Variants in LRRC28 observed in about 807,000 individuals in gnomAD.
LRRC28 encodes leucine rich repeat containing 28.
In LRRC28, 39 loss-of-function variants were observed where a neutral mutation model predicts 45.7. The observed-to-expected ratio is 0.85, with a 90% CI of 0.66 to 1.12. LRRC28 has a LOEUF of 1.12. Among genes scored for constraint, LRRC28 ranks in the 50% most tolerant of loss-of-function variants. The probability of loss-of-function intolerance (pLI) is 0.00; values close to 1 mark genes in which losing one functional copy is unlikely to be tolerated. For missense variants in LRRC28, 435 were observed against 438.5 expected (o/e 0.99, Z 0.07); for synonymous variants, 206 against 178.8 (o/e 1.15, Z -1.22).
chr15:99,370,401 C>T (rs1158879251), intron 9 of LRRC28, among the ~76,000 whole-genome samples: 1 of 151,722 alleles, frequency 6.6e-6, no homozygotes, highest in Non-Finnish European at 1.5e-5. Flanking sequence ...CACATGCACA[C>T]GTGTGTGTGT....
chr15:99,284,647 G>A (rs1036402326), intron 3 of LRRC28: 10 of 517,142 alleles, frequency 1.9e-5, no homozygotes, highest in Non-Finnish European at 3.8e-5. Context: ...TGCCATAGCT[G>A]CTGCTGCTAC....
At chr15:99,364,036 C>T (rs534565702) in intron 9 of LRRC28, among the ~76,000 whole-genome samples, 19 of 152,330 alleles carry the variant, frequency 1.2e-4, no homozygotes, top group African/African-American at 4.6e-4. Context: ...CATTACCCCT[C>T]TTTCCATGCC....
At chr15:99,284,724 C>G (rs1195776015) in intron 3 of LRRC28, 3 of 519,506 alleles carry the variant, frequency 5.8e-6, no homozygotes, top group African/African-American at 5.8e-5. Context: ...CCATAGGAGC[C>G]AGAGCTTCTG....
intron 9 of LRRC28, among the ~76,000 whole-genome samples, chr15:99,366,675 A>T (rs1229215552): frequency 2.0e-5 from 3 of 151,884 alleles, no homozygotes; most frequent in African/African-American, 4.8e-5. Flanking sequence ...CCACCTCATG[A>T]CCTCATTTAA....
intron 3 of LRRC28, among the ~76,000 whole-genome samples, chr15:99,282,734 A>G (rs755877322): frequency 2.0e-5 from 3 of 151,380 alleles, no homozygotes; most frequent in Non-Finnish European, 2.9e-5. Flanking sequence ...TAACAAGGAA[A>G]TCACCTAACG....
intron 2 of LRRC28, among the ~76,000 whole-genome samples, chr15:99,263,348 A>G (rs1197617844): frequency 6.6e-6 from 1 of 151,854 alleles, no homozygotes; most frequent in Non-Finnish European, 1.5e-5. Flanking sequence ...GAAGTAGTTA[A>G]GAAACATGAT....
intron 5 of LRRC28, among the ~76,000 whole-genome samples, chr15:99,328,032 G>A (rs2152286427): frequency 6.6e-6 from 1 of 152,222 alleles, no homozygotes; most frequent in Non-Finnish European, 1.5e-5. Context: ...ATTTCTTTCT[G>A]TTGTTGATTT....
At chr15:99,368,666 C>G (rs1316843074) in intron 9 of LRRC28, among the ~76,000 whole-genome samples, 1 of 152,230 alleles carries the variant, frequency 6.6e-6, no homozygotes, top group African/African-American at 2.4e-5. Context: ...ATTTCTTCAT[C>G]TCATCCCATT....
At chr15:99,264,207 G>A (rs916676676) in intron 2 of LRRC28, among the ~76,000 whole-genome samples, 5 of 152,180 alleles carry the variant, frequency 3.3e-5, no homozygotes, top group African/African-American at 1.2e-4. Context: ...GTCCTGATTG[G>A]CTAAACATTT....
intron 2 of LRRC28, among the ~76,000 whole-genome samples, chr15:99,275,083 C>T (rs932053301): frequency 6.6e-6 from 1 of 151,988 alleles, no homozygotes; most frequent in African/African-American, 2.4e-5. Context: ...AAATTTGAAC[C>T]CCCTATGTGT....
At chr15:99,364,258 A>G (rs1307390480) in intron 9 of LRRC28, among the ~76,000 whole-genome samples, 1 of 152,236 alleles carries the variant, frequency 6.6e-6, no homozygotes, top group Non-Finnish European at 1.5e-5. Flanking sequence ...TGGCAGGGCC[A>G]TGTGAGGCTT....
chr15:99,267,698 A>C (rs1359564859), intron 2 of LRRC28, among the ~76,000 whole-genome samples: 1 of 152,240 alleles, frequency 6.6e-6, no homozygotes, highest in Non-Finnish European at 1.5e-5. Context: ...GCCATTGCAC[A>C]TTTATCCTGT....
At chr15:99,314,702 C>T (rs1258449644) in intron 5 of LRRC28, among the ~76,000 whole-genome samples, 1 of 152,270 alleles carries the variant, frequency 6.6e-6, no homozygotes, top group South Asian at 2.1e-4. Flanking sequence ...TGTATGAAAG[C>T]CTTCTTACCC....
chr15:99,368,340 A>T (rs1263529525), intron 9 of LRRC28, among the ~76,000 whole-genome samples: 1 of 152,216 alleles, frequency 6.6e-6, no homozygotes, highest in Non-Finnish European at 1.5e-5. Context: ...TAGGATAGAC[A>T]TTCCTATTCC....
chr15:99,336,235 T>C (rs560164595), intron 6 of LRRC28, among the ~76,000 whole-genome samples: 2 of 152,338 alleles, frequency 1.3e-5, no homozygotes, highest in South Asian at 4.1e-4. Flanking sequence ...TACAAAACCT[T>C]ATGACAAAAT....
chr15:99,369,508 T>C (rs977680179), intron 9 of LRRC28, among the ~76,000 whole-genome samples: 3 of 152,184 alleles, frequency 2.0e-5, no homozygotes, highest in Non-Finnish European at 4.4e-5. Context: ...GTCTGAATTC[T>C]GCGGGGCACC....
At chr15:99,277,879 A>G (rs1849287659) in intron 3 of LRRC28, among the ~76,000 whole-genome samples, 1 of 152,138 alleles carries the variant, frequency 6.6e-6, no homozygotes, top group African/African-American at 2.4e-5. Flanking sequence ...TTTCTTTAAA[A>G]TAGGTTTTGA....
chr15:99,258,191 T>C, intron 2 of LRRC28: 1 of 1,612,358 alleles, frequency 6.2e-7, no homozygotes, highest in South Asian at 1.1e-5. Flanking sequence ...AACTTCTGAA[T>C]TGATTGGCCA....
At chr15:99,381,866 G>C (rs938212137) in intron 9 of LRRC28, among the ~76,000 whole-genome samples, 122 of 152,372 alleles carry the variant, frequency 8.0e-4, no homozygotes, top group African/African-American at 2.7e-3. Context: ...AACAGCAAAT[G>C]TTGCTGCCTG....
Sources: gnomAD v4.1 joint callset for allele counts (sites outside exome capture counted in the v4.1 genomes callset) on GRCh38, gnomAD v4.1.1 for gene constraint, MANE v1.5 for transcripts, NCBI Gene and HGNC (gene_info 2026-07-23, HGNC 2026-07-21) for gene names.